FANCC: variants seen among roughly 807,000 people sequenced by gnomAD.
FANCC encodes the protein FA complementation group C.
FANCC carries 55 observed loss-of-function variants against 71.3 expected under a neutral mutation model. The ratio of observed to expected loss-of-function variants is 0.77; its 90% CI spans 0.62 to 0.97. The LOEUF is 0.97. Ranked by LOEUF, FANCC falls within the 50% of genes least tolerant of loss-of-function variation. FANCC has a pLI of 0.00. For missense variants in FANCC, 678 were observed against 670.9 expected, an observed-to-expected ratio of 1.01 and a Z score of -0.12; for synonymous variants, 275 against 244.9, an observed-to-expected ratio of 1.12 and a Z score of -1.15.
intron 14 of FANCC, among the ~76,000 whole-genome samples, chr9:95,102,661 G>A (rs894423168): frequency 6.6e-6 from 1 of 152,190 alleles, no homozygotes; most frequent in Non-Finnish European, 1.5e-5. Flanking sequence ...GTTCTGGGAG[G>A]GTGAACAACT....
intron 11 of FANCC, among the ~76,000 whole-genome samples, 200 bp downstream of exon 11, chr9:95,117,115 A>G (rs1227397540): frequency 2.0e-5 from 3 of 152,132 alleles, no homozygotes; most frequent in Non-Finnish European, 4.4e-5. Flanking sequence ...TCTTTTGGTA[A>G]GTGATCACAA....
At position 95,126,552 on chromosome 9, in the gene FANCC, G is replaced by T; in HGVS notation, c.873C>A (p.Phe291Leu). The change falls in exon 9 of 15, where the codon TTC becomes TTA. Residue 291 changes from phenylalanine to leucine, a missense_variant. Coordinates refer to ENST00000289081, the MANE Select transcript of FANCC (RefSeq NM_000136.3). ...LPQAACHPAI[F>L]RVVDEMFRCA... ...ACCTGAACATCTCATCAACAACCCG[G>T]AATATGGCAGGGTGGCAGGCTGCTT... 1 of 1,614,086 alleles carries T rather than the reference G, an allele frequency of 6.2e-7. No individual in the cohort carries two copies. Among genetic ancestry groups the T allele is most frequent in the Non-Finnish European group, 8.5e-7 (1 of 1,179,968 alleles).
chr9:95,153,426 T>C (rs1363558117), intron 6 of FANCC, among the ~76,000 whole-genome samples: 1 of 152,146 alleles, frequency 6.6e-6, no homozygotes, highest in Non-Finnish European at 1.5e-5. Context: ...ATCTCCATAC[T>C]GTTTTCCATA....
intron 1 of FANCC, among the ~76,000 whole-genome samples, chr9:95,252,895 AT>A (rs977595947): frequency 1.9e-4 from 28 of 147,986 alleles, no homozygotes; most frequent in Middle Eastern, 3.4e-3. Context: ...AAAAAAAAAA[AT>A]TTTTTTTTTT....
At chr9:95,211,519 G>A (rs1010352176) in intron 4 of FANCC, among the ~76,000 whole-genome samples, 4 of 152,158 alleles carry the variant, frequency 2.6e-5, no homozygotes, top group Non-Finnish European at 5.9e-5. Flanking sequence ...CTGGAGAAAG[G>A]CCACTATAGA....
intron 4 of FANCC, among the ~76,000 whole-genome samples, chr9:95,187,628 A>G (rs1826810235): frequency 6.6e-6 from 1 of 151,628 alleles, no homozygotes; most frequent in South Asian, 2.1e-4. Context: ...CAGGACAAAC[A>G]CCCCCTTTCC....
intron 1 of FANCC, among the ~76,000 whole-genome samples, chr9:95,300,684 A>T (rs1484027944): frequency 6.6e-6 from 1 of 152,154 alleles, no homozygotes; most frequent in South Asian, 2.1e-4. Flanking sequence ...ACCACAAATG[A>T]CAGGACAACT....
intron 14 of FANCC, among the ~76,000 whole-genome samples, chr9:95,106,282 A>G (rs1267760753): frequency 1.3e-5 from 2 of 152,158 alleles, no homozygotes; most frequent in Non-Finnish European, 2.9e-5. Context: ...TGTCTGTTCA[A>G]GTCCTTTGCC....
At chr9:95,226,874 C>T (rs1829651243) in intron 4 of FANCC, among the ~76,000 whole-genome samples, 1 of 152,152 alleles carries the variant, frequency 6.6e-6, no homozygotes, top group Admixed American at 6.5e-5. Flanking sequence ...CCATAGTGGC[C>T]ACATCTCAAG....
At chr9:95,188,381 A>G (rs901317822) in intron 4 of FANCC, among the ~76,000 whole-genome samples, 1 of 152,116 alleles carries the variant, frequency 6.6e-6, no homozygotes, top group African/African-American at 2.4e-5. Context: ...GGCTCTTGCC[A>G]CTGCCTCCAA....
chr9:95,175,347 CA>C (rs1259392442), intron 4 of FANCC, among the ~76,000 whole-genome samples: 1 of 151,996 alleles, frequency 6.6e-6, no homozygotes, highest in Non-Finnish European at 1.5e-5. Context: ...ACATGATTTA[CA>C]AAAAAATGAA....
chr9:95,214,501 G>C (rs1378001067), intron 4 of FANCC, among the ~76,000 whole-genome samples: 1 of 152,054 alleles, frequency 6.6e-6, no homozygotes, highest in Non-Finnish European at 1.5e-5. Flanking sequence ...CCACTTCTGG[G>C]TTTATACTTA....
chr9:95,257,658 G>C (rs1005715176), intron 1 of FANCC, among the ~76,000 whole-genome samples: 3 of 152,180 alleles, frequency 2.0e-5, no homozygotes, highest in Non-Finnish European at 4.4e-5. Flanking sequence ...AAAGCTAGCA[G>C]AAAACAAGAA....
chr9:95,160,079 G>A (rs868235715), intron 6 of FANCC, among the ~76,000 whole-genome samples: 3 of 152,298 alleles, frequency 2.0e-5, no homozygotes, highest in South Asian at 4.1e-4. Context: ...TGCTTTTGGT[G>A]TTTTAGTCAT....
At chr9:95,161,489 T>C (rs1344522900) in intron 6 of FANCC, among the ~76,000 whole-genome samples, 1 of 152,212 alleles carries the variant, frequency 6.6e-6, no homozygotes, top group East Asian at 1.9e-4. Flanking sequence ...CAAATTGTTC[T>C]GCAAAGTGGT....
At chr9:95,252,628 C>T (rs1831418938) in intron 1 of FANCC, among the ~76,000 whole-genome samples, 1 of 151,538 alleles carries the variant, frequency 6.6e-6, no homozygotes, top group Non-Finnish European at 1.5e-5. Context: ...CGCCTATAGT[C>T]CCAGCTACTC....
At chr9:95,290,048 T>C (rs1833914310) in intron 1 of FANCC, among the ~76,000 whole-genome samples, 1 of 152,206 alleles carries the variant, frequency 6.6e-6, no homozygotes, top group Non-Finnish European at 1.5e-5. Context: ...TCATCCAACC[T>C]TGCAGTAAAC....
intron 4 of FANCC, among the ~76,000 whole-genome samples, chr9:95,176,025 T>C (rs960882537): frequency 2.0e-5 from 3 of 152,178 alleles, no homozygotes; most frequent in Admixed American, 6.5e-5. Context: ...AACCAGACTT[T>C]TGCATTCTAT....
rs554161451 is a variant in FANCC at position 95,238,205 on chromosome 9, C to T, written c.345+2444G>A. On this transcript the variant is annotated intron_variant, in intron 4 of 14. Transcript: ENST00000289081. ...CCCCTACCCCAGCACTCTCTGGGAG[C>T]GGACCTTACCTCACCTAAGGCTTCC... Among the ~76,000 whole-genome samples the T allele has an allele frequency of 5.9e-5, 9 of 152,120 alleles. No individual in the cohort carries two copies. The South Asian group carries it at 8.3e-4, about 14-fold the overall frequency.
Sources: gnomAD v4.1 joint callset for allele counts (sites outside exome capture counted in the v4.1 genomes callset) on GRCh38, gnomAD v4.1.1 for gene constraint, MANE v1.5 for transcripts, NCBI Gene and HGNC (gene_info 2026-07-23, HGNC 2026-07-21) for gene names.